Variants in HACE1 observed in about 807,000 individuals in gnomAD.
The protein encoded by HACE1 is E3 ubiquitin-protein ligase HACE1.
HACE1 carries 73 observed loss-of-function variants against 118.4 expected under a neutral mutation model. The ratio of observed to expected loss-of-function variants is 0.62; its 90% confidence interval spans 0.51 to 0.75. The LOEUF is 0.75. Ranked by LOEUF, HACE1 falls within the 30% of genes least tolerant of loss-of-function variation. The pLI, the probability that HACE1 is intolerant of heterozygous loss-of-function variation, is 0.00. For missense variants in HACE1, 749 were observed against 1,102.2 expected (o/e 0.68, Z 4.54); for synonymous variants, 368 against 374.8 (o/e 0.98, Z 0.21).
intron 19 of HACE1, among the ~76,000 whole-genome samples, chr6:104,758,009 A>G (rs891271195): frequency 6.6e-6 from 1 of 152,180 alleles, no homozygotes; most frequent in Non-Finnish European, 1.5e-5. Context: ...AAAAGAATGA[A>G]AAGAAACTAA....
chr6:104,817,190 G>A (rs758536260), intron 6 of HACE1, among the ~76,000 whole-genome samples: 4 of 152,162 alleles, frequency 2.6e-5, no homozygotes, highest in Non-Finnish European at 5.9e-5. Context: ...TCCAATACGA[G>A]AAGAACATGA....
At chr6:104,796,899 A>AG (rs746140662) in intron 8 of HACE1, 30 bp downstream of exon 8, 1 of 1,250,110 alleles carries the variant, frequency 8.0e-7, no homozygotes. Context: ...TATAAAGATA[A>AG]GGGGCTCAGA....
intron 19 of HACE1, among the ~76,000 whole-genome samples, chr6:104,763,799 C>CA (rs1473473025): frequency 6.6e-6 from 1 of 152,106 alleles, no homozygotes; most frequent in Non-Finnish European, 1.5e-5. Context: ...CCTATAATCC[C>CA]AGCACTTTGG....
At chr6:104,761,548 C>A (rs376783312) in intron 19 of HACE1, among the ~76,000 whole-genome samples, 3 of 152,162 alleles carry the variant, frequency 2.0e-5, no homozygotes, top group East Asian at 3.8e-4. Context: ...AAAATCAACT[C>A]AAGACGGATG....
intron 11 of HACE1, chr6:104,785,556 T>C (rs1782296714): frequency 2.3e-6 from 1 of 435,994 alleles, no homozygotes; most frequent in Admixed American, 3.9e-5. Flanking sequence ...ATGTATTCCT[T>C]GTAATAAAAA....
chr6:104,757,282 G>A (rs182742719), intron 19 of HACE1, among the ~76,000 whole-genome samples: 3 of 152,222 alleles, frequency 2.0e-5, no homozygotes, highest in Non-Finnish European at 2.9e-5. Context: ...CCTGACTCCC[G>A]TGTAGCCTGA....
In HACE1 at chr6:104,843,211, G is replaced by C. The variant is rs370382836; in HGVS notation, c.402+12C>G. 1.6e-5 allele frequency: 21 copies of C among 1,282,846 alleles called. No homozygotes were observed. The highest frequency in any genetic ancestry group is 2.4e-5 in the Non-Finnish European group (21 of 878,254). 79.5% of individuals were successfully genotyped at this position (1,282,846 alleles called of 1,614,324 possible). ...TACTTTTAAAACATCAGATGAAATT[G>C]ATAGCACTTACTGCTGTAAGGCCTT... On this transcript the variant is annotated intron_variant, in intron 5 of 23. Coordinates refer to ENST00000262903, the MANE Select transcript of HACE1 (RefSeq NM_020771.4).
chr6:104,797,685 A>G (rs1769820458), intron 7 of HACE1, among the ~76,000 whole-genome samples: 1 of 152,042 alleles, frequency 6.6e-6, no homozygotes, highest in Non-Finnish European at 1.5e-5. Flanking sequence ...TCCTATCCAT[A>G]TGCCTCATTC....
At chr6:104,778,367 A>C (rs1562349030) in intron 14 of HACE1, among the ~76,000 whole-genome samples, 1 of 151,480 alleles carries the variant, frequency 6.6e-6, no homozygotes, top group Non-Finnish European at 1.5e-5. Flanking sequence ...ACTAACACAG[A>C]GTAACACAAT....
At chr6:104,748,522 C>T (rs971745771) in intron 20 of HACE1, among the ~76,000 whole-genome samples, 1 of 152,150 alleles carries the variant, frequency 6.6e-6, no homozygotes, top group Non-Finnish European at 1.5e-5. Context: ...CTATCTGCTC[C>T]TATCTACTGA....
chr6:104,752,267 A>C (rs1196834903), intron 19 of HACE1, among the ~76,000 whole-genome samples: 1 of 152,216 alleles, frequency 6.6e-6, no homozygotes. Context: ...AGAGGGAGAC[A>C]GAAATGTGTA....
intron 7 of HACE1, among the ~76,000 whole-genome samples, chr6:104,803,447 T>C (rs1486676462): frequency 1.3e-5 from 2 of 152,194 alleles, no homozygotes; most frequent in Non-Finnish European, 2.9e-5. Context: ...TTGATGAACA[T>C]TGATGCAAAA....
chr6:104,732,195 C>G (rs1048551990), intron 22 of HACE1: 4 of 152,120 alleles, frequency 2.6e-5, no homozygotes, highest in African/African-American at 9.7e-5. Flanking sequence ...ATCATATGAT[C>G]AGGCAATTCC....
intron 5 of HACE1, among the ~76,000 whole-genome samples, chr6:104,836,045 C>G (rs893550059): frequency 2.6e-5 from 4 of 152,188 alleles, no homozygotes; most frequent in Non-Finnish European, 4.4e-5. Context: ...TGCACACTCT[C>G]AGGAAACTCT....
Position 104,777,066 on chromosome 6 carries a change from A to C in HACE1, c.1723T>G (p.Cys575Gly). The change falls in exon 16 of 24, where the codon TGT becomes GGT. Residue 575 changes from cysteine (C) to glycine (G), a missense_variant. Transcript: ENST00000262903. ...SSCEVVSKANCAKLKQGIAVR... is the reference protein window; with the variant it reads ...SSCEVVSKANGAKLKQGIAVR... ...GCAATCCCTTGCTTTAGCTTTGCAC[A>C]ATTTGCTTTTGACACAACTTCACAG... is the stretch of plus-strand genomic sequence containing the variant. The C allele has an allele frequency of 6.2e-7, 1 of 1,613,350 alleles. No individual in the cohort carries two copies. Among genetic ancestry groups the C allele is most frequent in the Non-Finnish European group, 8.5e-7 (1 of 1,179,394 alleles).
chr6:104,824,578 T>C (rs958583053), intron 6 of HACE1, among the ~76,000 whole-genome samples: 2 of 152,216 alleles, frequency 1.3e-5, no homozygotes, highest in African/African-American at 4.8e-5. Context: ...GAGTTTTAAA[T>C]TGTATCAAAG....
At chr6:104,851,119 C>T (rs1026142289) in intron 2 of HACE1, 123 bp from the exon 3 acceptor site, 42 of 685,196 alleles carry the variant, frequency 6.1e-5, no homozygotes, top group African/African-American at 5.1e-4. Flanking sequence ...GAGTCTTGCT[C>T]TGTCACCAGG....
intron 4 of HACE1, among the ~76,000 whole-genome samples, chr6:104,848,110 C>T (rs1775838558): frequency 6.6e-6 from 1 of 151,442 alleles, no homozygotes; most frequent in Non-Finnish European, 1.5e-5. Flanking sequence ...CCTTGGCCTC[C>T]CAAAAGGCTG....
At chr6:104,845,992 C>T (rs996984129) in intron 4 of HACE1, among the ~76,000 whole-genome samples, 2 of 152,258 alleles carry the variant, frequency 1.3e-5, no homozygotes, top group East Asian at 3.9e-4. Context: ...GACCACTGGC[C>T]TAAGCCAATA....
Sources: allele counts gnomAD v4.1 joint callset (sites outside exome capture counted in the v4.1 genomes callset), GRCh38; gene constraint gnomAD v4.1.1; transcripts MANE v1.5; gene names NCBI Gene and HGNC (gene_info 2026-07-23, HGNC 2026-07-21).